Variants in SUGP2 observed in about 807,000 individuals in gnomAD.
SUGP2 encodes the protein SURP and G-patch domain containing 2, also known as SURP and G-patch domain-containing protein 2.
In SUGP2, 24 loss-of-function variants were observed where a neutral mutation model predicts 90.5. The observed-to-expected ratio is 0.27, with a 90% CI of 0.19 to 0.37. The LOEUF (loss-of-function observed/expected upper bound fraction) is 0.37, where lower values mean the gene tolerates loss of function less well. Among genes scored for constraint, SUGP2 ranks in the 10% least tolerant of loss-of-function variants. The pLI is 1.00. For synonymous variants in SUGP2, 473 were observed against 513.4 expected (o/e 0.92, Z 1.06); for missense variants, 1,233 against 1,363.3 (o/e 0.90, Z 1.51).
At chr19:18,998,230 CTTT>C (rs533279232) in intron 8 of SUGP2, among the ~76,000 whole-genome samples, 130 of 152,356 alleles carry the variant, frequency 8.5e-4, no homozygotes, top group Middle Eastern at 3.4e-3. Context: ...CCTGGCCCTT[CTTT>C]GAGTTTTCAT....
intron 4 of SUGP2, among the ~76,000 whole-genome samples, chr19:19,017,774 A>G (rs528104710): frequency 3.9e-5 from 6 of 152,070 alleles, no homozygotes; most frequent in Admixed American, 3.3e-4. Context: ...CCGTTAACAA[A>G]TAATAATAAT....
At position 19,030,904 on chromosome 19, in the gene SUGP2, T is replaced by C. The variant is rs114217708; in HGVS notation, c.121+47A>G. On this transcript the variant is annotated intron_variant, in intron 2 of 10. Transcript: ENST00000452918. Reference sequence around the variant, plus strand: ...TAATCTTCCTGCCTTGGCCCTAAGATACACCCCTACCAAAACAACAACTAC... The same window carrying C: ...TAATCTTCCTGCCTTGGCCCTAAGACACACCCCTACCAAAACAACAACTAC... The C allele has an allele frequency of 2.4e-4, 380 of 1,582,444 alleles. No individual in the cohort carries two copies. In the African/African-American group the frequency reaches 4.6e-3, roughly 19 times the overall value.
At chr19:18,998,403 TG>T (rs2057694625) in intron 8 of SUGP2, among the ~76,000 whole-genome samples, 1 of 152,226 alleles carries the variant, frequency 6.6e-6, no homozygotes, top group Non-Finnish European at 1.5e-5. Context: ...CCCCCTGCCT[TG>T]GCCTTCCAAA....
Position 19,010,240 on chromosome 19 carries a change from C to T in SUGP2, c.1953G>A (p.Pro651=), listed in dbSNP as rs755402016. The change falls in exon 5 of 11, where the codon CCG becomes CCA. Residue 651 remains proline, a synonymous_variant. Coordinates refer to ENST00000452918, the MANE Select transcript of SUGP2 (RefSeq NM_001017392.5). The part of the protein sequence containing the change: ...SENLRGADQK[P]TSADCAVRAM... ...CCCTCACTGCACAGTCTGCTGAGGT[C>T]GGCTTCTGGTCGGCTCCTCGCAAGT... 3.7e-5 allele frequency: 59 copies of T among 1,613,958 alleles called. No homozygotes were observed. The Admixed American group carries it at 3.7e-4, about 10-fold the overall frequency.
At chr19:18,995,335 G>A in intron 8 of SUGP2, 55 bp from the exon 9 acceptor site, 2 of 1,541,790 alleles carry the variant, frequency 1.3e-6, no homozygotes, top group Non-Finnish European at 1.7e-6. Context: ...CCTGGATCAA[G>A]GGTCTGTCCT....
At chr19:19,000,238 ACT>A (rs1342732766) in intron 8 of SUGP2, among the ~76,000 whole-genome samples, 2 of 151,930 alleles carry the variant, frequency 1.3e-5, no homozygotes, top group Non-Finnish European at 2.9e-5. Context: ...AGATCTCTAC[ACT>A]GTTTCTCCTC....
intron 2 of SUGP2, among the ~76,000 whole-genome samples, chr19:19,029,531 C>T (rs1486921915): frequency 1.3e-5 from 2 of 150,030 alleles, no homozygotes; most frequent in Admixed American, 6.6e-5. Context: ...CTCCACCTCC[C>T]GGGTTCACGG....
At chr19:19,020,690 T>C (rs1040493417) in intron 3 of SUGP2, among the ~76,000 whole-genome samples, 1 of 151,738 alleles carries the variant, frequency 6.6e-6, no homozygotes, top group African/African-American at 2.4e-5. Flanking sequence ...CACCCTCCTT[T>C]ACCTCCCAAA....
intron 3 of SUGP2, among the ~76,000 whole-genome samples, chr19:19,024,376 C>A (rs1268130608): frequency 2.6e-5 from 4 of 152,232 alleles, no homozygotes; most frequent in Non-Finnish European, 5.9e-5. Context: ...TCCCAAAGTG[C>A]TGGGATTACA....
chr19:18,992,670 A>C lies in SUGP2; in HGVS notation c.*1071T>G, dbSNP rs1236368557. ...CCTGGCCCAAAGCCAGGATTTCTTT[A>C]CAGCCAATACAAGTGGCATTTCCCG... On this transcript the variant is annotated 3_prime_UTR_variant, in exon 11 of 11. Coordinates refer to ENST00000452918, the MANE Select transcript of SUGP2 (RefSeq NM_001017392.5). 1 of 152,198 alleles carries C rather than the reference A, an allele frequency of 6.6e-6. No individual in the cohort carries two copies. The highest frequency in any genetic ancestry group is 1.5e-5 in the Non-Finnish European group (1 of 68,078). 9.4% of individuals were successfully genotyped at this position (152,198 alleles called of 1,614,324 possible).
chr19:19,001,345 T>C (rs2057824728), intron 8 of SUGP2, among the ~76,000 whole-genome samples: 1 of 152,182 alleles, frequency 6.6e-6, no homozygotes, highest in South Asian at 2.1e-4. Context: ...GCCAAGACAT[T>C]ATCTCGTTTA....
intron 7 of SUGP2, among the ~76,000 whole-genome samples, chr19:19,003,768 C>T (rs1199461909): frequency 3.3e-5 from 5 of 152,222 alleles, no homozygotes; most frequent in African/African-American, 9.6e-5. Flanking sequence ...ACCACCCCTG[C>T]TCTGTTCCCA....
At chr19:19,008,004 A>C (rs1234194235) in intron 6 of SUGP2, among the ~76,000 whole-genome samples, 1 of 151,904 alleles carries the variant, frequency 6.6e-6, no homozygotes, top group Non-Finnish European at 1.5e-5. Context: ...GGTGATTAGA[A>C]CAGATCTTTC....
chr19:19,033,559 GGCGCAA>G (rs772497149), upstream of SUGP2: 1 of 1,258,250 alleles, frequency 7.9e-7, no homozygotes, highest in South Asian at 2.5e-5. Context: ...GCGCCGCGCA[GGCGCAA>G]GCCGCCGCCG....
At position 18,999,525 on chromosome 19, in the gene SUGP2, G is replaced by A. The variant is rs543495410; in HGVS notation, c.2991+2088C>T. Among the ~76,000 whole-genome samples the A allele has an allele frequency of 3.9e-5, 6 of 152,262 alleles. No homozygotes were observed. The East Asian group carries it at 5.8e-4, about 15-fold the overall frequency. On this transcript the variant is annotated intron_variant, in intron 8 of 10. Coordinates refer to ENST00000452918, the MANE Select transcript of SUGP2 (RefSeq NM_001017392.5). Reference sequence around the variant, plus strand: ...GGTCCTGCTGTGCCCTCATCTGGCCGTGCCCTTATCCAGGCCACACCAAGG... The same window carrying A: ...GGTCCTGCTGTGCCCTCATCTGGCCATGCCCTTATCCAGGCCACACCAAGG...
Position 19,031,018 on chromosome 19 carries a change from T to C in SUGP2, c.54A>G (p.Lys18=), listed in dbSNP as rs749051332. The change falls in exon 2 of 11, where the codon AAA becomes AAG. Residue 18 remains lysine, a synonymous_variant. Transcript: ENST00000452918. ...QETFDAVLQE[K]AKRYHMDASG... is the part of the protein sequence containing the mutation. Reference sequence around the variant, plus strand: ...TGGCATCCATGTGATATCGTTTGGCTTTTTCTTGTAATACAGCATCAAAAG... The same window carrying C: ...TGGCATCCATGTGATATCGTTTGGCCTTTTCTTGTAATACAGCATCAAAAG... The C allele has an allele frequency of 2.9e-5, 47 of 1,613,918 alleles. No individual in the cohort carries two copies. The highest frequency in any genetic ancestry group is 4.0e-5 in the Non-Finnish European group (47 of 1,180,014).
chr19:19,030,635 C>T (rs1028426359), intron 2 of SUGP2, among the ~76,000 whole-genome samples: 23 of 151,788 alleles, frequency 1.5e-4, no homozygotes, highest in African/African-American at 5.6e-4. Context: ...AAACATTATC[C>T]CCTGACCAAG....
At chr19:19,028,720 A>G (rs2059027431) in intron 2 of SUGP2, among the ~76,000 whole-genome samples, 1 of 151,756 alleles carries the variant, frequency 6.6e-6, no homozygotes, top group Non-Finnish European at 1.5e-5. Flanking sequence ...TTTTTTTGAG[A>G]CGGAGTCTCG....
chr19:19,014,945 T>C (rs1317878963), intron 4 of SUGP2, among the ~76,000 whole-genome samples: 1 of 152,134 alleles, frequency 6.6e-6, no homozygotes, highest in Non-Finnish European at 1.5e-5. Flanking sequence ...CTCATGCCTG[T>C]AATTCCAGCG....
Sources: allele counts gnomAD v4.1 joint callset (sites outside exome capture counted in the v4.1 genomes callset), GRCh38; gene constraint gnomAD v4.1.1; transcripts MANE v1.5; gene names NCBI Gene and HGNC (gene_info 2026-07-23, HGNC 2026-07-21).